The following TMEM201 variants were observed in gnomAD, a reference collection of about 807,000 sequenced individuals.
TMEM201 encodes the protein transmembrane protein 201.
Under a neutral mutation model 63.4 loss-of-function variants are expected in TMEM201, and 26 were observed. That is an observed-to-expected ratio of 0.41 (90% CI 0.30 to 0.57). The LOEUF is 0.57. Among genes scored for constraint, TMEM201 ranks in the 20% least tolerant of loss-of-function variants. TMEM201 has a pLI of 0.29. For missense variants in TMEM201, 794 were observed against 917.7 expected, an observed-to-expected ratio of 0.87 and a Z score of 1.74; for synonymous variants, 417 against 421.6, an observed-to-expected ratio of 0.99 and a Z score of 0.14.
Position 9,613,054 on chromosome 1 carries a change from T to C in TMEM201, c.1972T>C (p.Ser658Pro). Residue 658 changes from serine (S) to proline (P), a missense_variant, in exon 11 of 11, where the codon TCG (serine) becomes CCG (proline). By Grantham distance (74) the Ser-to-Pro change is moderately conservative. Transcript: ENST00000340381. ...CTTGGCCGCCAACGCCCTGTTCACCTCGGTGTTTCTGTACCAGAGCCTGCG... is the reference window on the plus strand; with the variant it reads ...CTTGGCCGCCAACGCCCTGTTCACCCCGGTGTTTCTGTACCAGAGCCTGCG... ...VSLAANALFT[S>P]VFLYQSLR 1 of 1,551,288 alleles carries C rather than the reference T, an allele frequency of 6.4e-7. No individual in the cohort carries two copies.
At position 9,603,699 on chromosome 1, in the gene TMEM201, C is replaced by T. The variant is rs938062145; in HGVS notation, c.1160+1427C>T. The T allele has an allele frequency of 1.6e-5, 16 of 985,336 alleles. No individual in the cohort carries two copies. Among genetic ancestry groups the T allele is most frequent in the Non-Finnish European group, 1.8e-5 (15 of 829,956 alleles). The allele number at this position is 985,336 out of a possible 1,614,324, so 61.0% of individuals were successfully genotyped here. On this transcript the variant is annotated intron_variant, in intron 6 of 10. Coordinates refer to ENST00000340381, the MANE Select transcript of TMEM201 (RefSeq NM_001130924.3). The surrounding 1 kb of genome is among the most constrained non-coding windows in gnomAD (Gnocchi z 4.5). ...CCAGGCCTCACTGCTGTGAATCTGCCACGCCTGGGGGTCCTAGAGGCTGCC... is the reference window on the plus strand; with the variant it reads ...CCAGGCCTCACTGCTGTGAATCTGCTACGCCTGGGGGTCCTAGAGGCTGCC...
At chr1:9,602,910 G>T in intron 6 of TMEM201, 1 of 985,628 alleles carries the variant, frequency 1.0e-6, no homozygotes, top group Non-Finnish European at 1.2e-6. Context: ...CTGCTGCTTG[G>T]CCTCCTGCTC....
chr1:9,602,561 G>A (rs868385142), intron 6 of TMEM201: 1 of 1,336,846 alleles, frequency 7.5e-7, no homozygotes, highest in Non-Finnish European at 9.6e-7. Flanking sequence ...CTGGTGACTG[G>A]AATGTGGGCA....
In TMEM201 at chr1:9,602,216, C is replaced by T. The variant is rs1644157103; in HGVS notation, c.1104C>T (p.Phe368=). ...STTSLCCLVG[F]TAAVATRKAT... Reference sequence around the variant, plus strand: ...CATCTTTGTGCTGCCTGGTTGGCTTCACGGCGGCTGTGGCCACAAGGAAGG... The same window carrying T: ...CATCTTTGTGCTGCCTGGTTGGCTTTACGGCGGCTGTGGCCACAAGGAAGG... The change falls in exon 6 of 11, where the codon TTC becomes TTT. Residue 368 remains phenylalanine, a synonymous_variant. Transcript: ENST00000340381. The T allele has an allele frequency of 1.9e-6, 3 of 1,612,628 alleles. No homozygotes were observed. In the African/African-American group the frequency reaches 4.0e-5, roughly 22 times the overall value.
intron 9 of TMEM201, among the ~76,000 whole-genome samples, chr1:9,611,225 T>G (rs1644319962): frequency 6.7e-6 from 1 of 149,848 alleles, no homozygotes; most frequent in Middle Eastern, 3.2e-3. Context: ...CGAGATGCAG[T>G]CTCACTCTGT....
chr1:9,605,640 G>T lies in TMEM201; in HGVS notation c.1161-1917G>T, dbSNP rs1370727186. On this transcript the variant is annotated intron_variant, in intron 6 of 10. Coordinates refer to ENST00000340381, the MANE Select transcript of TMEM201 (RefSeq NM_001130924.3). This position sits in a 1 kb window ranked among gnomAD's most constrained non-coding sequence, Gnocchi z 5.7. ...GTGATGTTCCCACATATCACAGTGA[G>T]GGAGTCAAACTGCGAAGGAACTCCC... Among the ~76,000 whole-genome samples, 4 of 152,214 alleles carry T rather than the reference G, an allele frequency of 2.6e-5. No individual in the cohort carries two copies. In the East Asian group the frequency reaches 7.7e-4, roughly 29 times the overall value.
chr1:9,604,298 G>T lies in TMEM201; in HGVS notation c.1160+2026G>T. ...TCGCGCTGGCCAGGATCCTCCTGCC[G>T]AGCTGATGTCGCTCCTGCCCTCTGC... On this transcript the variant is annotated intron_variant, in intron 6 of 10. Transcript: ENST00000340381. The surrounding 1 kb of genome is among the most constrained non-coding windows in gnomAD (Gnocchi z 4.1). The T allele has an allele frequency of 6.1e-6, 6 of 985,418 alleles. No homozygotes were observed. The highest frequency in any genetic ancestry group is 7.2e-6 in the Non-Finnish European group (6 of 829,938). 61.0% of individuals were successfully genotyped at this position (985,418 alleles called of 1,614,324 possible). A position where few individuals can be genotyped will look rare whatever the true frequency, so the allele number is the denominator to read the frequency against.
intron 4 of TMEM201, among the ~76,000 whole-genome samples, chr1:9,600,473 C>G (rs560313879): frequency 5.3e-5 from 8 of 152,260 alleles, no homozygotes; most frequent in African/African-American, 1.9e-4. Context: ...AGGAGGGCCA[C>G]CCCTAAAACC....
rs1188705975 is a variant in TMEM201, at chr1:9,605,294, T to C, written c.1161-2263T>C. 6.6e-6 allele frequency among the ~76,000 whole-genome samples: 1 copy of C among 152,110 alleles called. No individual in the cohort carries two copies. Among genetic ancestry groups the C allele is most frequent in the African/African-American group, 2.4e-5 (1 of 41,422 alleles). ...CCCCAGAGCCAGCATCCAGGCCTGA[T>C]CCTGGTCACTTAGTCCCTCTCTGAC... is the stretch of plus-strand genomic sequence containing the variant. On this transcript the variant is annotated intron_variant, in intron 6 of 10. Transcript: ENST00000340381. This position sits in a 1 kb window ranked among gnomAD's most constrained non-coding sequence, Gnocchi z 5.7.
rs1379334087 is a variant in TMEM201 at position 9,596,929 on chromosome 1, C to G, written c.305C>G (p.Pro102Arg). 6.2e-7 allele frequency: 1 copy of G among 1,612,706 alleles called. No individual in the cohort carries two copies. The highest frequency in any genetic ancestry group is 1.1e-5 in the South Asian group (1 of 91,036). ...EHLNHVVSSA[P>R]SLRDPSQPQQ... ...CTGAACCACGTGGTGAGCAGCGCGC[C>G]CAGCCTGCGCGACCCTTCGCAGCCG... Residue 102 changes from proline to arginine, a missense_variant, in exon 3 of 11, where the codon CCC becomes CGC. Transcript: ENST00000340381.
At position 9,605,257 on chromosome 1, in the gene TMEM201, C is replaced by T. The variant is rs1006245850; in HGVS notation, c.1161-2300C>T. Among the ~76,000 whole-genome samples, 6 of 152,168 alleles carry T rather than the reference C, an allele frequency of 3.9e-5. No homozygotes were observed. Among genetic ancestry groups the T allele is most frequent in the Non-Finnish European group, 8.8e-5 (6 of 68,024 alleles). The stretch of plus-strand genomic sequence containing the variant: ...CCCCTTGGTGTCAGATGAGCGTATC[C>T]GCTCCGGCACTCCCCAGAGCCAGCA... On this transcript the variant is annotated intron_variant, in intron 6 of 10. Transcript: ENST00000340381. This position sits in a 1 kb window ranked among gnomAD's most constrained non-coding sequence, Gnocchi z 5.7.
At chr1:9,589,148 G>T (rs1643878510) in intron 1 of TMEM201, 105 bp downstream of exon 1, 2 of 391,678 alleles carry the variant, frequency 5.1e-6, no homozygotes, top group African/African-American at 2.2e-5. Flanking sequence ...CGGGCTGCCC[G>T]CGGGCGCGCG....
Position 9,613,358 on chromosome 1 carries a change from C to G in TMEM201, c.*275C>G. On this transcript the variant is annotated 3_prime_UTR_variant, in exon 11 of 11. Coordinates refer to ENST00000340381, the MANE Select transcript of TMEM201 (RefSeq NM_001130924.3). ...ACACTCTGATCCCGAAGCCAGGGAG[C>G]CCCAAGGGGCTGCATGACCCTGGGG... 1.9e-6 allele frequency: 1 copy of G among 532,842 alleles called. No homozygotes were observed. The highest frequency in any genetic ancestry group is 2.3e-5 in the South Asian group (1 of 44,148). 33.0% of individuals were successfully genotyped at this position (532,842 alleles called of 1,614,324 possible). A position where few individuals can be genotyped will look rare whatever the true frequency, so the allele number is the denominator to read the frequency against.
At chr1:9,592,108 G>C (rs761076844) in intron 1 of TMEM201, among the ~76,000 whole-genome samples, 8 of 152,234 alleles carry the variant, frequency 5.3e-5, no homozygotes, top group Non-Finnish European at 1.2e-4. Context: ...TTGCTGCTGT[G>C]GATTCAAGTA....
intron 5 of TMEM201, 66 bp downstream of exon 5, chr1:9,601,520 C>T (rs1034706703): frequency 7.9e-5 from 115 of 1,463,920 alleles, no homozygotes; most frequent in Middle Eastern, 4.8e-4. Context: ...CTGTCTAGGG[C>T]GGGGGCCAAG....
intron 4 of TMEM201, among the ~76,000 whole-genome samples, 182 bp downstream of exon 4, chr1:9,598,807 G>A (rs983178162): frequency 6.6e-6 from 1 of 151,980 alleles, no homozygotes; most frequent in Non-Finnish European, 1.5e-5. Flanking sequence ...ACGCCACCAC[G>A]CCTGGCTAAT....
At chr1:9,589,430 G>A (rs950911052) in intron 1 of TMEM201, among the ~76,000 whole-genome samples, 1 of 152,244 alleles carries the variant, frequency 6.6e-6, no homozygotes, top group Admixed American at 6.5e-5. Context: ...GACGTCCCGG[G>A]CGTTTTTCTA....
intron 6 of TMEM201, 68 bp downstream of exon 6, chr1:9,602,340 C>T (rs373096735): frequency 1.2e-5 from 19 of 1,570,684 alleles, no homozygotes; most frequent in Admixed American, 3.6e-5. Flanking sequence ...TTGCCAGGTC[C>T]GAAGCGGGCC....
rs753541964 is a variant in TMEM201 at position 9,602,281 on chromosome 1, A to G, written c.1160+9A>G. 52 of 1,610,512 alleles carry G rather than the reference A, an allele frequency of 3.2e-5. No homozygotes were observed. Among genetic ancestry groups the G allele is most frequent in the Admixed American group, 1.5e-4 (9 of 59,978 alleles). On this transcript the variant is annotated intron_variant, in intron 6 of 10. Coordinates refer to ENST00000340381, the MANE Select transcript of TMEM201 (RefSeq NM_001130924.3). ...AGGTTCCGGCCCCGAAGGTCAGAGA[A>G]GCAGCCATGACTGCGGGGGGAGGAC...
Sources: gnomAD v4.1 joint callset for allele counts (sites outside exome capture counted in the v4.1 genomes callset) on GRCh38, gnomAD v4.1.1 for gene constraint, Gnocchi (gnomAD v3.1) non-coding constraint, MANE v1.5 for transcripts, NCBI Gene and HGNC (gene_info 2026-07-23, HGNC 2026-07-21) for gene names.